The following SOX5 variants were observed in gnomAD, a reference collection of about 807,000 sequenced individuals.
The protein encoded by SOX5 is transcription factor SOX-5.
A neutral mutation model predicts 92.0 loss-of-function variants in SOX5; 9 were observed. The observed-to-expected ratio is 0.10, with a 90% confidence interval of 0.06 to 0.17. SOX5 has a LOEUF of 0.17. SOX5 is among the 10% of genes least tolerant of loss of function. The pLI, the probability that SOX5 is intolerant of heterozygous loss-of-function variation, is 1.00. For synonymous variants in SOX5, 344 were observed against 336.3 expected, an observed-to-expected ratio of 1.02 and a Z score of -0.25; for missense variants, 642 against 944.5, an observed-to-expected ratio of 0.68 and a Z score of 4.20.
intron 3 of SOX5, among the ~76,000 whole-genome samples, chr12:23,759,131 T>A (rs887013492): frequency 6.6e-6 from 1 of 151,660 alleles, no homozygotes; most frequent in East Asian, 1.9e-4. Context: ...CTAACTCCCT[T>A]GGATAGATGA....
chr12:24,427,850 G>A (rs1430107513), intron 1 of SOX5, among the ~76,000 whole-genome samples: 1 of 152,148 alleles, frequency 6.6e-6, no homozygotes, highest in African/African-American at 2.4e-5. Flanking sequence ...CTAGGGCAAG[G>A]AAGCTAGAAA....
chr12:23,916,253 C>T (rs1049269683), intron 1 of SOX5, among the ~76,000 whole-genome samples: 2 of 152,094 alleles, frequency 1.3e-5, no homozygotes, highest in African/African-American at 2.4e-5. Flanking sequence ...TTTTATACTT[C>T]TAATAAAATG....
chr12:23,626,622 CAG>C (rs1264720136), intron 8 of SOX5, among the ~76,000 whole-genome samples: 1 of 148,820 alleles, frequency 6.7e-6, no homozygotes, highest in Non-Finnish European at 1.5e-5. Context: ...TCACAAGGTG[CAG>C]AGTTTCCTTC....
chr12:24,404,765 T>C (rs776323060), intron 1 of SOX5, among the ~76,000 whole-genome samples: 4 of 152,320 alleles, frequency 2.6e-5, no homozygotes, highest in Non-Finnish European at 5.9e-5. Flanking sequence ...CCTGGTGTTA[T>C]GGGTTGCATT....
chr12:24,396,282 T>C (rs1431905650), intron 1 of SOX5, among the ~76,000 whole-genome samples: 2 of 152,204 alleles, frequency 1.3e-5, no homozygotes, highest in East Asian at 3.9e-4. Flanking sequence ...CCCTGTGTCT[T>C]AGCTGGGCAC....
At chr12:23,610,063 A>G (rs886411555) in intron 8 of SOX5, among the ~76,000 whole-genome samples, 2 of 152,170 alleles carry the variant, frequency 1.3e-5, no homozygotes, top group African/African-American at 2.4e-5. Context: ...TTTGGGAAAA[A>G]AAATAGTATA....
intron 1 of SOX5, among the ~76,000 whole-genome samples, chr12:24,516,065 C>A (rs10842363): frequency 0.47 from 68,958 of 146,874 alleles, 17,618 homozygotes; most frequent in East Asian, 0.88. Context: ...TTTTAAGCGA[C>A]AGAGTCTCAC....
At chr12:23,810,123 GC>G (rs1337314068) in intron 3 of SOX5, among the ~76,000 whole-genome samples, 3 of 152,104 alleles carry the variant, frequency 2.0e-5, no homozygotes, top group Non-Finnish European at 4.4e-5. Flanking sequence ...AAAAGCAGGT[GC>G]AATACTATCT....
At chr12:24,239,891 A>G (rs1965241143) in intron 3 of SOX5, among the ~76,000 whole-genome samples, 1 of 152,170 alleles carries the variant, frequency 6.6e-6, no homozygotes, top group African/African-American at 2.4e-5. Context: ...CGATGTCCCA[A>G]GTATATATGT....
intron 1 of SOX5, among the ~76,000 whole-genome samples, chr12:24,498,633 C>T (rs546517436): frequency 6.6e-6 from 1 of 152,262 alleles, no homozygotes; most frequent in East Asian, 1.9e-4. Flanking sequence ...GACTCTAATA[C>T]ATAATTCCTA....
In SOX5 at chr12:24,448,106, C is replaced by A. The variant is rs548179053; in HGVS notation, c.-250-79467G>T. On this transcript the variant is annotated intron_variant, in intron 1 of 4. Coordinates refer to the SOX5 transcript ENST00000446891. ...CTAAGACAGGAGAATTGCTTGAACCCGAGGGGCAGAGGTTGCACTCCAGCA... is the reference window on the plus strand; with the variant it reads ...CTAAGACAGGAGAATTGCTTGAACCAGAGGGGCAGAGGTTGCACTCCAGCA... 2.0e-5 allele frequency among the ~76,000 whole-genome samples: 3 copies of A among 152,088 alleles called. No homozygotes were observed. The East Asian group carries it at 5.8e-4, about 29-fold the overall frequency.
intron 3 of SOX5, among the ~76,000 whole-genome samples, chr12:24,260,360 A>G (rs757540101): frequency 1.3e-5 from 2 of 152,190 alleles, no homozygotes; most frequent in African/African-American, 4.8e-5. Flanking sequence ...CCTTCCTCTA[A>G]CTTGGTAGAA....
At chr12:24,055,415 G>A (rs1175639134) in intron 4 of SOX5, among the ~76,000 whole-genome samples, 1 of 152,186 alleles carries the variant, frequency 6.6e-6, no homozygotes, top group East Asian at 1.9e-4. Flanking sequence ...AGAAGTCAAT[G>A]TCATACCTCA....
intron 2 of SOX5, among the ~76,000 whole-genome samples, chr12:24,303,182 T>C (rs777997515): frequency 7.2e-5 from 11 of 152,320 alleles, no homozygotes; most frequent in Admixed American, 2.6e-4. Context: ...TATTTGTAGG[T>C]GAATTTTCTT....
At chr12:23,776,939 C>T (rs1444113669) in intron 3 of SOX5, among the ~76,000 whole-genome samples, 1 of 152,164 alleles carries the variant, frequency 6.6e-6, no homozygotes, top group Non-Finnish European at 1.5e-5. Flanking sequence ...ATTGTCACTT[C>T]CTATTTTCAA....
chr12:24,007,174 T>A (rs79480395), intron 4 of SOX5, among the ~76,000 whole-genome samples: 12 of 40,816 alleles, frequency 2.9e-4, no homozygotes, highest in Admixed American at 3.7e-4. Flanking sequence ...TTTATATATG[T>A]ATTTATATAT....
At chr12:24,208,051 C>T (rs1165236542) in intron 4 of SOX5, among the ~76,000 whole-genome samples, 1 of 152,086 alleles carries the variant, frequency 6.6e-6, no homozygotes, top group Non-Finnish European at 1.5e-5. Flanking sequence ...TTCCATTATT[C>T]AAAGTTGAAA....
At chr12:24,165,500 C>G (rs547388661) in intron 4 of SOX5, among the ~76,000 whole-genome samples, 2 of 152,260 alleles carry the variant, frequency 1.3e-5, no homozygotes, top group South Asian at 4.1e-4. Context: ...TCAATGCCCT[C>G]ATTTTCACTG....
In SOX5 at chr12:24,302,384, C is replaced by T. The variant is rs149913527; in HGVS notation, c.-173-25072G>A. 1.4e-3 allele frequency among the ~76,000 whole-genome samples: 206 copies of T among 152,206 alleles called. 1 individual carries two copies. Among genetic ancestry groups the T allele is most frequent in the East Asian group, 7.9e-3 (41 of 5,184 alleles). Reference sequence around the variant, plus strand: ...CACTGAATCTATCTACAAAAACCCACGGGGAAGGGTTCTATACAAGTACTT... The same window carrying T: ...CACTGAATCTATCTACAAAAACCCATGGGGAAGGGTTCTATACAAGTACTT... On this transcript the variant is annotated intron_variant, in intron 2 of 4. Transcript: ENST00000446891.
Sources: allele counts gnomAD v4.1 joint callset (sites outside exome capture counted in the v4.1 genomes callset), GRCh38; gene constraint gnomAD v4.1.1; transcripts MANE v1.5; gene names NCBI Gene and HGNC (gene_info 2026-07-23, HGNC 2026-07-21).